The following GLRA2 variants were observed in gnomAD, a reference collection of about 807,000 sequenced individuals.
GLRA2 encodes glycine receptor alpha 2.
GLRA2 carries 11 observed loss-of-function variants against 31.6 expected under a neutral mutation model. The ratio of observed to expected loss-of-function variants is 0.35; its 90% CI spans 0.22 to 0.58. The LOEUF (loss-of-function observed/expected upper bound fraction) is 0.58. GLRA2 is among the 20% of genes least tolerant of loss of function. The probability of loss-of-function intolerance (pLI) is 0.84; values close to 1 mark genes in which losing one functional copy is unlikely to be tolerated. For synonymous variants in GLRA2, 132 were observed against 134.0 expected, an observed-to-expected ratio of 0.99 and a Z score of 0.10; for missense variants, 212 against 351.8, an observed-to-expected ratio of 0.60 and a Z score of 3.18.
At chrX:14,660,364 T>C (rs1344078965) in intron 7 of GLRA2, among the ~76,000 whole-genome samples, 1 of 111,463 alleles carries the variant, frequency 9.0e-6, no homozygotes, top group Non-Finnish European at 1.9e-5. Context: ...ACAGTGTGTC[T>C]GGAGTAGAAA....
the GLRA2 span, among the ~76,000 whole-genome samples, chrX:14,475,115 C>T: frequency 8.9e-6 from 1 of 112,079 alleles, no homozygotes; most frequent in African/African-American, 3.2e-5. Context: ...ATACCTCTTT[C>T]TACCACTCAC....
chrX:14,709,112 G>A (rs2091675842), intron 8 of GLRA2, among the ~76,000 whole-genome samples: 1 of 111,359 alleles, frequency 9.0e-6, no homozygotes, highest in Admixed American at 9.5e-5. Context: ...GTGCATGCCT[G>A]TAATCCCTGC....
intron 7 of GLRA2, among the ~76,000 whole-genome samples, chrX:14,681,793 G>A (rs1236988744): frequency 4.0e-5 from 4 of 100,450 alleles, no homozygotes; most frequent in African/African-American, 1.4e-4. Flanking sequence ...TCGGCAGGCT[G>A]AGGCAGGAGA....
At chrX:14,563,683 G>A (rs890265543) in intron 2 of GLRA2, among the ~76,000 whole-genome samples, 1 of 111,466 alleles carries the variant, frequency 9.0e-6, no homozygotes, top group African/African-American at 3.3e-5. Flanking sequence ...TCTTAAATAT[G>A]CTCAAAGATC....
rs1048558028 is a variant in GLRA2, at chrX:14,531,117, A to G, written c.68+992A>G. The G allele has an allele frequency of 3.3e-6, 3 of 910,013 alleles. No homozygotes were observed. The African/African-American group carries it at 6.2e-5, about 19-fold the overall frequency. The allele number at this position is 910,013 out of a possible 1,213,427, so 75.0% of individuals were successfully genotyped here. On this transcript the variant is annotated intron_variant, in intron 1 of 8. Transcript: ENST00000218075. ...AATCATCATCATCATCATCATCCTC[A>G]CCACCACCACCATCATAATCAAATA... is the stretch of plus-strand genomic sequence containing the variant.
chrX:14,492,242 G>T, the GLRA2 span, among the ~76,000 whole-genome samples: 1 of 110,948 alleles, frequency 9.0e-6, no homozygotes, highest in Non-Finnish European at 1.9e-5. Flanking sequence ...ACAGCAGGCT[G>T]TCAGGAAACT....
upstream of GLRA2, among the ~76,000 whole-genome samples, chrX:14,527,948 A>T (rs1357975392): frequency 8.9e-6 from 1 of 112,529 alleles, no homozygotes; most frequent in African/African-American, 3.2e-5. Flanking sequence ...TTTAAATTGA[A>T]TCATTTTCTC....
intron 7 of GLRA2, among the ~76,000 whole-genome samples, chrX:14,632,193 C>G (rs768079435): frequency 2.3e-4 from 25 of 108,695 alleles, no homozygotes; most frequent in African/African-American, 8.0e-4. Flanking sequence ...TACTTGATGT[C>G]TTTTGCCTTA....
intron 2 of GLRA2, among the ~76,000 whole-genome samples, chrX:14,553,344 G>A (rs1415813856): frequency 9.0e-6 from 1 of 111,527 alleles, no homozygotes; most frequent in Non-Finnish European, 1.9e-5. Flanking sequence ...CCCCTCCTCT[G>A]CACATGAAGA....
At chrX:14,558,105 G>C (rs1490336010) in intron 2 of GLRA2, among the ~76,000 whole-genome samples, 2 of 111,828 alleles carry the variant, frequency 1.8e-5, no homozygotes, top group Non-Finnish European at 3.8e-5. Context: ...TGGCATAGAG[G>C]ATATTGGAAG....
At chrX:14,703,550 T>A (rs905564688) in intron 8 of GLRA2, among the ~76,000 whole-genome samples, 3 of 111,836 alleles carry the variant, frequency 2.7e-5, no homozygotes, top group Non-Finnish European at 5.6e-5. Flanking sequence ...CTTTGTAGGA[T>A]AACATATTCA....
At chrX:14,653,569 T>C (rs2090910871) in intron 7 of GLRA2, among the ~76,000 whole-genome samples, 1 of 112,129 alleles carries the variant, frequency 8.9e-6, no homozygotes, top group East Asian at 2.8e-4. Context: ...GATGAGGAGT[T>C]GATGAAGAAA....
chrX:14,497,322 A>G, the GLRA2 span, among the ~76,000 whole-genome samples: 3 of 112,090 alleles, frequency 2.7e-5, no homozygotes, highest in Non-Finnish European at 5.6e-5. Flanking sequence ...TCAAAACGAG[A>G]AAGCAAAAGT....
the GLRA2 span, among the ~76,000 whole-genome samples, chrX:14,478,951 T>C: frequency 8.9e-6 from 1 of 111,963 alleles, no homozygotes; most frequent in Non-Finnish European, 1.9e-5. Flanking sequence ...GCATTTGGGT[T>C]GGTCCTTAGA....
chrX:14,544,124 G>A (rs1356218183), intron 2 of GLRA2, among the ~76,000 whole-genome samples: 2 of 111,943 alleles, frequency 1.8e-5, no homozygotes. Context: ...GATGCCACAA[G>A]AGAATTACTC....
the GLRA2 span, among the ~76,000 whole-genome samples, chrX:14,507,064 C>G: frequency 8.9e-6 from 1 of 112,042 alleles, no homozygotes; most frequent in Non-Finnish European, 1.9e-5. Flanking sequence ...CAGTTTCAAC[C>G]ATTCTTTTCT....
rs4014225 is a variant in GLRA2, at chrX:14,546,599, AT to A, written c.202+14240del. On this transcript the variant is annotated intron_variant, in intron 2 of 8. Coordinates refer to ENST00000218075, the MANE Select transcript of GLRA2 (RefSeq NM_002063.4). The stretch of plus-strand genomic sequence containing the variant: ...CAAATAGGATAATTACACACGTGGG[AT>A]TTTTTTTTTTTTCTGCCTACAGTTG... Among the ~76,000 whole-genome samples the A allele has an allele frequency of 3.3e-3, 340 of 104,529 alleles. 2 individuals are homozygous for A. The Middle Eastern group carries it at 0.038, about 12-fold the overall frequency. 90.8% of individuals were successfully genotyped at this position (104,529 alleles called of 115,157 possible).
chrX:14,686,857 T>G (rs60405307), intron 7 of GLRA2, among the ~76,000 whole-genome samples: 2 of 110,972 alleles, frequency 1.8e-5, no homozygotes, highest in African/African-American at 6.6e-5. Flanking sequence ...ATCCTGTCAT[T>G]ATGATGTTAG....
At chrX:14,450,112 G>A in the GLRA2 span, among the ~76,000 whole-genome samples, 3 of 111,845 alleles carry the variant, frequency 2.7e-5, no homozygotes, top group African/African-American at 6.5e-5. Context: ...TTGGGGGAGC[G>A]TGAGCTGTGT....
Sources: gnomAD v4.1 joint callset for allele counts (sites outside exome capture counted in the v4.1 genomes callset) on GRCh38, gnomAD v4.1.1 for gene constraint, MANE v1.5 for transcripts, NCBI Gene and HGNC (gene_info 2026-07-23, HGNC 2026-07-21) for gene names.